The following SLC38A11 variants were observed in gnomAD, a reference collection of about 807,000 sequenced individuals.
SLC38A11 encodes the protein putative sodium-coupled neutral amino acid transporter 11.
Under a neutral mutation model 49.4 loss-of-function variants are expected in SLC38A11, and 51 were observed. The ratio of observed to expected loss-of-function variants is 1.03; its 90% confidence interval spans 0.83 to 1.30. The LOEUF (loss-of-function observed/expected upper bound fraction) is 1.30, where lower values mean the gene tolerates loss of function less well. Among genes scored for constraint, SLC38A11 ranks in the 50% most tolerant of loss-of-function variants. The pLI is 0.00. For synonymous variants in SLC38A11, 203 were observed against 192.9 expected (o/e 1.05, Z -0.43); for missense variants, 574 against 556.2 (o/e 1.03, Z -0.32).
chr2:164,898,474 G>A lies in SLC38A11; in HGVS notation c.1352C>T (p.Thr451Ile), dbSNP rs1337222758. 1 of 1,612,986 alleles carries A rather than the reference G, an allele frequency of 6.2e-7. No homozygotes were observed. Among genetic ancestry groups the A allele is most frequent in the Non-Finnish European group, 8.5e-7 (1 of 1,179,302 alleles). The change falls in exon 12 of 12, where the codon ACA (threonine) becomes ATA (isoleucine). Residue 451 changes from threonine (T) to isoleucine (I), a missense_variant. Physicochemically the swap from Thr to Ile is moderately conservative, Grantham distance 89. Transcript: ENST00000685975. ...ACTAATATTTAAAGTAGAAAGTTGTGTTGTCTGCTGAACATGAGACTCTGA... is the reference window on the plus strand; with the variant it reads ...ACTAATATTTAAAGTAGAAAGTTGTATTGTCTGCTGAACATGAGACTCTGA... ...NTSESHVQQT[T>I]QLSTLNISIF...
At chr2:164,944,062 C>T (rs909910975) in intron 5 of SLC38A11, among the ~76,000 whole-genome samples, 4 of 152,018 alleles carry the variant, frequency 2.6e-5, no homozygotes, top group African/African-American at 9.7e-5. Context: ...CACTATGTTG[C>T]CCAGGCTAGT....
intron 5 of SLC38A11, among the ~76,000 whole-genome samples, chr2:164,943,510 G>T (rs1687917924): frequency 2.0e-5 from 3 of 152,166 alleles, no homozygotes; most frequent in African/African-American, 2.4e-5. Flanking sequence ...GCTACATATG[G>T]TATGATGTCA....
At chr2:164,916,102 A>G in intron 7 of SLC38A11, 129 bp from the exon 8 acceptor site, 1 of 580,172 alleles carries the variant, frequency 1.7e-6, no homozygotes, top group Admixed American at 2.4e-5. Flanking sequence ...AGGGGCTCCC[A>G]TTAATCTTGT....
At chr2:164,918,047 C>A (rs1685921885) in intron 7 of SLC38A11, among the ~76,000 whole-genome samples, 1 of 150,624 alleles carries the variant, frequency 6.6e-6, no homozygotes. Context: ...ATAAAATAGC[C>A]TAGGATTGAG....
intron 7 of SLC38A11, among the ~76,000 whole-genome samples, chr2:164,927,917 G>A (rs898341435): frequency 2.6e-5 from 4 of 152,072 alleles, no homozygotes; most frequent in African/African-American, 9.7e-5. Flanking sequence ...CCAGTACCTG[G>A]AAGAGTGACT....
At chr2:164,933,295 G>C (rs2105490155) in intron 7 of SLC38A11, among the ~76,000 whole-genome samples, 1 of 151,898 alleles carries the variant, frequency 6.6e-6, no homozygotes, top group African/African-American at 2.4e-5. Context: ...AAAAAAATTG[G>C]GAGAACTGTT....
In SLC38A11 at chr2:164,915,130, A is replaced by G; in HGVS notation, c.832T>C (p.Phe278Leu). The G allele has an allele frequency of 6.2e-7, 1 of 1,606,840 alleles. No homozygotes were observed. The highest frequency in any genetic ancestry group is 1.7e-5 in the Admixed American group (1 of 58,564). ...IFFATCGYLT[F>L]TGFTQGDLFE... The stretch of plus-strand genomic sequence containing the variant: ...ATTTTACCTTGGGTGAAGCCAGTAA[A>G]TGTCAAGTATCCACATGTAGCAAAG... Residue 278 changes from phenylalanine (F) to leucine (L), a missense_variant, in exon 9 of 12, where the codon TTT becomes CTT. By Grantham distance (22) the Phe-to-Leu change is conservative. Transcript: ENST00000685975.
chr2:164,920,833 A>G (rs1297202426), intron 7 of SLC38A11, among the ~76,000 whole-genome samples: 3 of 152,196 alleles, frequency 2.0e-5, no homozygotes, highest in Non-Finnish European at 4.4e-5. Flanking sequence ...AAAGTGAGAA[A>G]GCAATCTGTC....
intron 3 of SLC38A11, among the ~76,000 whole-genome samples, chr2:164,947,262 GTTGGGA>G (rs1484387912): frequency 6.6e-6 from 1 of 150,950 alleles, no homozygotes; most frequent in African/African-American, 2.4e-5. Context: ...TTCCTGATCA[GTTGGGA>G]TTGCAGGTGC....
At chr2:164,913,199 A>G (rs1685520720) in intron 9 of SLC38A11, among the ~76,000 whole-genome samples, 1 of 151,976 alleles carries the variant, frequency 6.6e-6, no homozygotes, top group Non-Finnish European at 1.5e-5. Context: ...AATCTACATT[A>G]CTTTAGAACA....
intron 6 of SLC38A11, 145 bp downstream of exon 6, chr2:164,939,305 C>T: frequency 2.1e-6 from 1 of 478,444 alleles, no homozygotes; most frequent in Non-Finnish European, 3.8e-6. Context: ...ACTAATGATT[C>T]AAACACAGTT....
In SLC38A11 at chr2:164,939,556, A is replaced by C; in HGVS notation, c.431T>G (p.Val144Gly). The C allele has an allele frequency of 1.9e-6, 3 of 1,588,448 alleles. 1 individual carries two copies. Among genetic ancestry groups the C allele is most frequent in the Non-Finnish European group, 8.6e-7 (1 of 1,158,828 alleles). Reference protein sequence around the residue: ...LSKVFQRIPGVDPENVFIGRH... With the variant: ...LSKVFQRIPGGDPENVFIGRH... ...ACCAATAAACACGTTTTCAGGATCA[A>C]CTAAAACACAATAAATATTATTAAA... The change falls in exon 6 of 12, where the codon GTT (valine) becomes GGT (glycine). Residue 144 changes from valine (V) to glycine (G), a missense_variant and splice_region_variant. By Grantham distance (109) the Val-to-Gly change is moderately radical (BLOSUM62 -3). Coordinates refer to ENST00000685975, the MANE Select transcript of SLC38A11 (RefSeq NM_001351537.2).
chr2:164,953,834 G>A (rs1220479402), intron 2 of SLC38A11, among the ~76,000 whole-genome samples: 1 of 152,064 alleles, frequency 6.6e-6, no homozygotes, highest in Admixed American at 6.6e-5. Flanking sequence ...GCATTTTGCA[G>A]GATTTTGTTT....
intron 11 of SLC38A11, among the ~76,000 whole-genome samples, chr2:164,907,683 CAATA>C (rs1308750835): frequency 6.6e-6 from 1 of 151,994 alleles, no homozygotes; most frequent in Non-Finnish European, 1.5e-5. Flanking sequence ...AGTAATTACT[CAATA>C]AATATATGAT....
At chr2:164,940,798 G>A (rs1237211566) in intron 5 of SLC38A11, among the ~76,000 whole-genome samples, 3 of 151,034 alleles carry the variant, frequency 2.0e-5, no homozygotes, top group Non-Finnish European at 4.4e-5. Flanking sequence ...TATGTGGAAT[G>A]GAATATTTAA....
intron 9 of SLC38A11, among the ~76,000 whole-genome samples, chr2:164,913,580 A>T (rs2105460047): frequency 6.6e-6 from 1 of 152,140 alleles, no homozygotes; most frequent in African/African-American, 2.4e-5. Flanking sequence ...CGGCATTAAA[A>T]ACCTGTCAGC....
chr2:164,901,816 A>G (rs1684668871), intron 11 of SLC38A11, among the ~76,000 whole-genome samples: 6 of 152,166 alleles, frequency 3.9e-5, no homozygotes, highest in Admixed American at 3.9e-4. Flanking sequence ...GAGAGTGGGT[A>G]TCCTTACCTT....
chr2:164,953,496 T>G (rs1209618806), intron 2 of SLC38A11, among the ~76,000 whole-genome samples: 1 of 152,224 alleles, frequency 6.6e-6, no homozygotes, highest in Non-Finnish European at 1.5e-5. Context: ...CTTAACACGT[T>G]CACATCAGGA....
intron 7 of SLC38A11, among the ~76,000 whole-genome samples, chr2:164,921,134 C>T (rs893297807): frequency 6.6e-6 from 1 of 152,030 alleles, no homozygotes; most frequent in Non-Finnish European, 1.5e-5. Context: ...TCTTCATCTA[C>T]TGTAAGAGAA....
Sources: allele counts gnomAD v4.1 joint callset (sites outside exome capture counted in the v4.1 genomes callset), GRCh38; gene constraint gnomAD v4.1.1; transcripts MANE v1.5; gene names NCBI Gene and HGNC (gene_info 2026-07-23, HGNC 2026-07-21).